The following PDZD7 variants were observed in gnomAD, a reference collection of about 807,000 sequenced individuals.
PDZD7 encodes the protein PDZ domain containing 7, also known as PDZ domain-containing protein 7.
In PDZD7, 72 loss-of-function variants were observed where a neutral mutation model predicts 84.7. The ratio of observed to expected loss-of-function variants is 0.85; its 90% CI spans 0.70 to 1.03. The LOEUF is 1.03. Ranked by LOEUF, PDZD7 falls within the 50% of genes least tolerant of loss-of-function variation. The pLI is 0.00. For missense variants in PDZD7, 1,490 were observed against 1,412.9 expected (o/e 1.05, Z -0.87); for synonymous variants, 594 against 580.7 (o/e 1.02, Z -0.33).
At chr10:101,024,142 G>C in intron 2 of PDZD7, 74 bp from the exon 3 acceptor site, 1 of 1,611,146 alleles carries the variant, frequency 6.2e-7, no homozygotes, top group East Asian at 2.2e-5. Context: ...CCCCAACTTG[G>C]GGCCTGCAAA....
chr10:101,011,330 C>A (rs1242079914), intron 14 of PDZD7: 2 of 427,280 alleles, frequency 4.7e-6, no homozygotes, highest in Non-Finnish European at 7.4e-6. Context: ...CGTGAGCCAC[C>A]GCGCCCGGCC....
rs1280328279 is a variant in PDZD7 at position 101,018,804 on chromosome 10, C to T, written c.1324+18G>A. ...CAGAGGCTGTGGAGGGAGCAGCCGC[C>T]ACCCATCCCCCACGTACCCCACAAG... On this transcript the variant is annotated intron_variant, in intron 8 of 16. Transcript: ENST00000619208. The T allele has an allele frequency of 1.9e-6, 3 of 1,572,466 alleles. No individual in the cohort carries two copies. Among genetic ancestry groups the T allele is most frequent in the Admixed American group, 1.8e-5 (1 of 56,390 alleles).
At chr10:101,023,846 C>T (rs1590069765) in intron 3 of PDZD7, 82 bp downstream of exon 3, 8 of 1,606,758 alleles carry the variant, frequency 5.0e-6, no homozygotes, top group Admixed American at 1.7e-5. Flanking sequence ...TTCCGTCTGT[C>T]CCTGACAGCA....
chr10:101,018,269 T>G lies in PDZD7; in HGVS notation c.1352A>C (p.Lys451Thr). Residue 451 changes from lysine to threonine, a missense_variant, in exon 9 of 17, where the codon AAG becomes ACG. By Grantham distance (78) the Lys-to-Thr change is moderately conservative (BLOSUM62 -1). Transcript: ENST00000619208. ...WEEKQQRKKE[K>T]SGSPGEKGAL... The stretch of plus-strand genomic sequence containing the variant: ...ACCCTTCTCCCCAGGGGACCCCGAC[T>G]TCTCCTTCTTCCGCTGCTGCTTCTC... The G allele has an allele frequency of 6.2e-7, 1 of 1,613,914 alleles. No homozygotes were observed. The highest frequency in any genetic ancestry group is 1.7e-5 in the Admixed American group (1 of 60,014).
In PDZD7 at chr10:101,022,386, C is replaced by T. The variant is rs1853167480; in HGVS notation, c.543-1G>A. Reference sequence around the variant, plus strand: ...CAGGCGCCGATTCACCACATCCACCCTGGACAACAGCAGGGGGCCCTCAGG... The same window carrying T: ...CAGGCGCCGATTCACCACATCCACCTTGGACAACAGCAGGGGGCCCTCAGG... On this transcript the variant is annotated splice_acceptor_variant, in intron 4 of 16. Transcript: ENST00000619208. LOFTEE classifies it high-confidence loss of function. 1 of 1,614,118 alleles carries T rather than the reference C, an allele frequency of 6.2e-7. No individual in the cohort carries two copies. Among genetic ancestry groups the T allele is most frequent in the Non-Finnish European group, 8.5e-7 (1 of 1,180,022 alleles).
intron 11 of PDZD7, among the ~76,000 whole-genome samples, 172 bp downstream of exon 11, chr10:101,015,464 A>ATGTG (rs10579208): frequency 0.012 from 1,774 of 149,772 alleles, 28 homozygotes; most frequent in Middle Eastern, 0.024. Flanking sequence ...GAGCTGGCAG[A>ATGTG]TGTGTGTGTG....
rs202036244 is a variant in PDZD7, at chr10:101,017,823, AAAGG to A, written c.1522+272_1522+275del. 2,739 of 362,588 alleles carry A rather than the reference AAAGG, an allele frequency of 7.6e-3. 125 individuals carry two copies. The highest frequency in any genetic ancestry group is 0.044 in the African/African-American group (1,119 of 25,480). 22.5% of individuals were successfully genotyped at this position (362,588 alleles called of 1,614,324 possible). A position where few individuals can be genotyped will look rare whatever the true frequency, so the allele number is the denominator to read the frequency against. ...AGAAAGAAAAAGAAAGAAAGGAAAG[AAAGG>A]AAGGAAGGAAGGAAAGAAAGAAAGA... On this transcript the variant is annotated intron_variant, in intron 9 of 16. Transcript: ENST00000619208.
At chr10:101,016,262 C>A (rs1449466933) in intron 10 of PDZD7, 115 bp downstream of exon 10, 1 of 1,063,500 alleles carries the variant, frequency 9.4e-7, no homozygotes, top group Admixed American at 2.0e-5. Context: ...TGCCTGATCC[C>A]CCATGCTTGA....
Position 101,030,305 on chromosome 10 carries a change from T to C in PDZD7, c.-86A>G, listed in dbSNP as rs117794010. The stretch of plus-strand genomic sequence containing the variant: ...CCAGCCCTGCGTGCTTCGAGCTCCA[T>C]GAGCCTCTGTGCGGGGCTGGGGTCT... On this transcript the variant is annotated 5_prime_UTR_variant, in exon 2 of 17. It removes an upstream start codon present in the reference 5' UTR. Coordinates refer to ENST00000619208, the MANE Select transcript of PDZD7 (RefSeq NM_001195263.2). 0.041 allele frequency: 47,960 copies of C among 1,178,392 alleles called. 1,168 individuals carry two copies. Among genetic ancestry groups the C allele is most frequent in the Non-Finnish European group, 0.047 (38,525 of 819,692 alleles). The allele number at this position is 1,178,392 out of a possible 1,614,324, so 73.0% of individuals were successfully genotyped here.
In PDZD7 at chr10:101,012,202, G is replaced by A. The variant is rs1339694032; in HGVS notation, c.1806C>T (p.Asp602=). The change falls in exon 12 of 17, where the codon GAC becomes GAT. Residue 602 remains aspartate, a synonymous_variant. Transcript: ENST00000619208. ...GCAGCAGTAGCAGCTTCTCCGGCCT[G>A]TCGAGGATGGCCAGCAGGGGCCTCA... ...DLVRPLLAIL[D]RPEKLLLLQD... is the part of the protein sequence containing the mutation. 1 of 1,550,320 alleles carries A rather than the reference G, an allele frequency of 6.5e-7. No homozygotes were observed. Among genetic ancestry groups the A allele is most frequent in the Non-Finnish European group, 8.7e-7 (1 of 1,146,994 alleles).
At chr10:101,008,928 T>TCTCACCTCCACCCATGAGG in intron 16 of PDZD7, 78 bp from the exon 17 acceptor site, 1 of 1,427,830 alleles carries the variant, frequency 7.0e-7, no homozygotes. Context: ...GGCAGCATCT[T>TCTCACCTCCACCCATGAGG]CTCACCTCCA....
intron 2 of PDZD7, among the ~76,000 whole-genome samples, chr10:101,027,103 C>T (rs1212259571): frequency 6.6e-6 from 1 of 152,232 alleles, no homozygotes; most frequent in African/African-American, 2.4e-5. Flanking sequence ...TTTAGCTATT[C>T]TCTATACAGT....
At chr10:101,023,070 CTTTTTTTTTTTTTT>C (rs1161602421) in intron 4 of PDZD7, 253 of 127,856 alleles carry the variant, frequency 2.0e-3, no homozygotes, top group East Asian at 0.019. Context: ...CCATGCCCGG[CTTTTTTTTTTTTTT>C]TTTTTTTTTT....
intron 2 of PDZD7, among the ~76,000 whole-genome samples, chr10:101,025,392 T>C (rs1937627757): frequency 6.6e-6 from 1 of 150,430 alleles, no homozygotes; most frequent in Non-Finnish European, 1.5e-5. Context: ...GTATTTTTAG[T>C]AGAGATGGAG....
intron 2 of PDZD7, among the ~76,000 whole-genome samples, chr10:101,025,676 T>G (rs551745364): frequency 1.1e-3 from 163 of 151,494 alleles, no homozygotes; most frequent in Non-Finnish European, 2.0e-3. Flanking sequence ...GCCTCCCGAG[T>G]AGCTGGGACT....
intron 9 of PDZD7, chr10:101,017,851 G>GAAAGAAAC: frequency 3.1e-6 from 1 of 323,610 alleles, no homozygotes; most frequent in Non-Finnish European, 5.2e-6. Context: ...AAGAAAGAAA[G>GAAAGAAAC]AAAGAAAGAA....
intron 2 of PDZD7, 31 bp from the exon 3 acceptor site, chr10:101,024,099 A>G (rs753058370): frequency 6.2e-7 from 1 of 1,614,126 alleles, no homozygotes. Context: ...GGATGCCCCC[A>G]TGTTCATTGT....
chr10:101,023,370 G>T, intron 4 of PDZD7, 66 bp downstream of exon 4: 1 of 1,597,648 alleles, frequency 6.3e-7, no homozygotes, highest in South Asian at 1.1e-5. Flanking sequence ...AGTGGGTTTT[G>T]GGTGTTGGTA....
At chr10:101,026,663 T>A (rs1375901126) in intron 2 of PDZD7, among the ~76,000 whole-genome samples, 11 of 123,770 alleles carry the variant, frequency 8.9e-5, no homozygotes, top group African/African-American at 1.3e-4. Context: ...CAGGGAGAAA[T>A]CACACACACA....
Sources: allele counts gnomAD v4.1 joint callset (sites outside exome capture counted in the v4.1 genomes callset), GRCh38; gene constraint gnomAD v4.1.1; transcripts MANE v1.5; gene names NCBI Gene and HGNC (gene_info 2026-07-23, HGNC 2026-07-21).